Variants in FRMD4A observed in about 807,000 individuals in gnomAD.
FRMD4A encodes the protein FERM domain-containing protein 4A.
Under a neutral mutation model 129.1 loss-of-function variants are expected in FRMD4A, and 29 were observed. The observed-to-expected ratio is 0.22, with a 90% CI of 0.17 to 0.31. The LOEUF (loss-of-function observed/expected upper bound fraction) is 0.31. Ranked by LOEUF, FRMD4A falls within the 10% of genes least tolerant of loss-of-function variation. The pLI is 1.00. For synonymous variants in FRMD4A, 634 were observed against 571.6 expected, an observed-to-expected ratio of 1.11 and a Z score of -1.56; for missense variants, 1,272 against 1,375.8, an observed-to-expected ratio of 0.92 and a Z score of 1.19.
At chr10:13,985,217 G>A (rs2095576738) in intron 2 of FRMD4A, among the ~76,000 whole-genome samples, 1 of 152,226 alleles carries the variant, frequency 6.6e-6, no homozygotes, top group African/African-American at 2.4e-5. Flanking sequence ...CACGTGTTTG[G>A]CCCCTAGGCC....
At chr10:13,786,281 C>A (rs1233476620) in intron 5 of FRMD4A, among the ~76,000 whole-genome samples, 1 of 152,210 alleles carries the variant, frequency 6.6e-6, no homozygotes, top group Admixed American at 6.5e-5. Context: ...TCTCCGGCAC[C>A]TGTTGTTTCC....
At chr10:13,890,126 T>C (rs762944319) in intron 2 of FRMD4A, among the ~76,000 whole-genome samples, 3 of 152,230 alleles carry the variant, frequency 2.0e-5, no homozygotes, top group Non-Finnish European at 4.4e-5. Context: ...TTCTGTTGAT[T>C]TGAGGCTTTG....
chr10:13,660,029 TG>T (rs1439063926), intron 20 of FRMD4A, among the ~76,000 whole-genome samples: 1 of 152,250 alleles, frequency 6.6e-6, no homozygotes, highest in African/African-American at 2.4e-5. Flanking sequence ...AGAATAGCGC[TG>T]CCTGAGATTT....
intron 4 of FRMD4A, among the ~76,000 whole-genome samples, chr10:13,808,661 A>G (rs1444647693): frequency 6.6e-6 from 1 of 152,036 alleles, no homozygotes; most frequent in Non-Finnish European, 1.5e-5. Flanking sequence ...CCAGCTCTTC[A>G]CCTCCTCTGG....
chr10:13,699,224 G>GTTTTTTTTTTCTTTTTT (rs2086551026), intron 14 of FRMD4A, among the ~76,000 whole-genome samples: 1 of 76,272 alleles, frequency 1.3e-5, no homozygotes, highest in East Asian at 5.1e-4. Context: ...CTTGGTTATT[G>GTTTTTTTTTTCTTTTTT]TTTTTTTTTT....
chr10:13,764,698 T>C (rs1358053661), intron 6 of FRMD4A, among the ~76,000 whole-genome samples: 1 of 152,206 alleles, frequency 6.6e-6, no homozygotes, highest in Non-Finnish European at 1.5e-5. Flanking sequence ...CACAATTTAA[T>C]TGATATCCTA....
In FRMD4A at chr10:13,848,387, C is replaced by T. The variant is rs1386580945; in HGVS notation, c.111+10460G>A. 7.5e-5 allele frequency among the ~76,000 whole-genome samples: 11 copies of T among 147,490 alleles called. No homozygotes were observed. The East Asian group carries it at 1.6e-3, about 21-fold the overall frequency. ...AAAGTCTGCCAAATATTGGCAATTTCAAATGGTTTCAATGAATACATTTTA... is the reference window on the plus strand; with the variant it reads ...AAAGTCTGCCAAATATTGGCAATTTTAAATGGTTTCAATGAATACATTTTA... On this transcript the variant is annotated intron_variant, in intron 3 of 24. Transcript: ENST00000357447.
intron 2 of FRMD4A, among the ~76,000 whole-genome samples, chr10:14,148,030 T>C (rs553729932): frequency 5.0e-4 from 76 of 152,322 alleles, no homozygotes; most frequent in African/African-American, 1.8e-3. Flanking sequence ...TAGATCTCTG[T>C]CTGGGACGAT....
At chr10:13,685,278 T>C (rs564882721) in intron 15 of FRMD4A, 1,198 of 985,240 alleles carry the variant, frequency 1.2e-3, no homozygotes, top group Non-Finnish European at 1.4e-3. Flanking sequence ...TGGCTGGGAG[T>C]CTCTGGAAGA....
intron 2 of FRMD4A, among the ~76,000 whole-genome samples, chr10:14,119,141 G>C (rs1185373984): frequency 6.6e-6 from 1 of 152,154 alleles, no homozygotes; most frequent in Non-Finnish European, 1.5e-5. Flanking sequence ...GGCAGGCCAA[G>C]TGAGCCCTCA....
At chr10:13,709,929 T>C (rs889324225) in intron 12 of FRMD4A, among the ~76,000 whole-genome samples, 1 of 152,156 alleles carries the variant, frequency 6.6e-6, no homozygotes, top group African/African-American at 2.4e-5. Flanking sequence ...AGGCGGTATT[T>C]GGTTAATTAG....
At chr10:13,738,339 C>A (rs950534558) in intron 11 of FRMD4A, among the ~76,000 whole-genome samples, 1 of 152,136 alleles carries the variant, frequency 6.6e-6, no homozygotes, top group Admixed American at 6.5e-5. Flanking sequence ...ACCTTCTGGG[C>A]AGAGAAACTG....
At chr10:14,273,267 T>A (rs898422428) in intron 2 of FRMD4A, among the ~76,000 whole-genome samples, 9 of 151,730 alleles carry the variant, frequency 5.9e-5, no homozygotes, top group African/African-American at 7.3e-5. Context: ...AGAAAAAAAA[T>A]ATATATATCT....
At chr10:13,814,384 GGCGATATA>G (rs1352467724) in intron 3 of FRMD4A, among the ~76,000 whole-genome samples, 1 of 151,726 alleles carries the variant, frequency 6.6e-6, no homozygotes, top group Non-Finnish European at 1.5e-5. Context: ...TAAGCCCAGA[GGCGATATA>G]GCAAGACCCC....
At chr10:14,185,732 AT>A (rs1842112272) in intron 2 of FRMD4A, among the ~76,000 whole-genome samples, 1 of 152,206 alleles carries the variant, frequency 6.6e-6, no homozygotes, top group Admixed American at 6.5e-5. Flanking sequence ...GAGAGAAGGG[AT>A]GGCAACAGCA....
At chr10:13,892,082 C>T (rs1457336598) in intron 2 of FRMD4A, among the ~76,000 whole-genome samples, 1 of 146,220 alleles carries the variant, frequency 6.8e-6, no homozygotes, top group African/African-American at 2.5e-5. Flanking sequence ...GCTCGGCTTC[C>T]CAGCCCCTCT....
intron 2 of FRMD4A, chr10:13,890,852 G>T (rs1342897961): frequency 2.0e-6 from 2 of 985,122 alleles, no homozygotes; most frequent in African/African-American, 3.5e-5. Context: ...CGTCGCCAGA[G>T]CTATTATTAG....
intron 2 of FRMD4A, among the ~76,000 whole-genome samples, chr10:14,253,399 T>C (rs1254142559): frequency 6.6e-6 from 1 of 152,240 alleles, no homozygotes; most frequent in Admixed American, 6.5e-5. Context: ...TATAGGTTTT[T>C]TTGTGCAAGT....
chr10:14,085,621 G>T (rs1268458024), intron 2 of FRMD4A, among the ~76,000 whole-genome samples: 1 of 152,186 alleles, frequency 6.6e-6, no homozygotes. Context: ...TGCCTCCCAT[G>T]TGAGAGGCCA....
Sources: gnomAD v4.1 joint callset for allele counts (sites outside exome capture counted in the v4.1 genomes callset) on GRCh38, gnomAD v4.1.1 for gene constraint, MANE v1.5 for transcripts, NCBI Gene and HGNC (gene_info 2026-07-23, HGNC 2026-07-21) for gene names.